The following ZDHHC2 variants were observed in gnomAD, a reference collection of about 807,000 sequenced individuals.
ZDHHC2 encodes palmitoyltransferase ZDHHC2.
A neutral mutation model predicts 55.6 loss-of-function variants in ZDHHC2; 51 were observed. The observed-to-expected ratio is 0.92, with a 90% confidence interval of 0.73 to 1.16. The LOEUF (loss-of-function observed/expected upper bound fraction) is 1.16, where lower values mean the gene tolerates loss of function less well. Among genes scored for constraint, ZDHHC2 ranks in the 50% most tolerant of loss-of-function variants. ZDHHC2 has a pLI of 0.00. For missense variants in ZDHHC2, 491 were observed against 442.4 expected (o/e 1.11, Z -0.99); for synonymous variants, 199 against 152.9 (o/e 1.30, Z -2.22).
intron 5 of ZDHHC2, among the ~76,000 whole-genome samples, chr8:17,198,084 T>G (rs973794448): frequency 5.3e-5 from 8 of 152,224 alleles, no homozygotes; most frequent in Admixed American, 1.3e-4. Flanking sequence ...TGCAGTTTTG[T>G]TCTTTCTTTA....
chr8:17,209,833 T>G lies in ZDHHC2; in HGVS notation c.731-99T>G. On this transcript the variant is annotated intron_variant, in intron 8 of 12. Coordinates refer to ENST00000262096, the MANE Select transcript of ZDHHC2 (RefSeq NM_016353.5). ...CCCTCACAGTCAGCTAGCCATTGATTTTCAGAGTTTCTTCATTTACTTCAA... is the reference window on the plus strand; with the variant it reads ...CCCTCACAGTCAGCTAGCCATTGATGTTCAGAGTTTCTTCATTTACTTCAA... 7.3e-6 allele frequency: 10 copies of G among 1,374,934 alleles called. No individual in the cohort carries two copies. In the South Asian group the frequency reaches 1.6e-4, roughly 22 times the overall value. 85.2% of individuals were successfully genotyped at this position (1,374,934 alleles called of 1,614,324 possible).
At chr8:17,199,313 CA>C (rs1806497662) in intron 6 of ZDHHC2, among the ~76,000 whole-genome samples, 1 of 152,176 alleles carries the variant, frequency 6.6e-6, no homozygotes, top group Non-Finnish European at 1.5e-5. Context: ...TCAACCCATA[CA>C]AGAATGGCAC....
intron 3 of ZDHHC2, among the ~76,000 whole-genome samples, chr8:17,191,849 T>G (rs1190101861): frequency 6.6e-6 from 1 of 152,240 alleles, no homozygotes; most frequent in Non-Finnish European, 1.5e-5. Context: ...GTAGAATTGC[T>G]GGGTCATATG....
At chr8:17,161,557 C>G (rs941787120) in intron 1 of ZDHHC2, among the ~76,000 whole-genome samples, 3 of 152,130 alleles carry the variant, frequency 2.0e-5, no homozygotes, top group African/African-American at 7.2e-5. Flanking sequence ...CCTACGTCAC[C>G]TTAGAAATGA....
chr8:17,165,368 G>C (rs1804553073), intron 1 of ZDHHC2, among the ~76,000 whole-genome samples: 1 of 152,200 alleles, frequency 6.6e-6, no homozygotes, highest in Non-Finnish European at 1.5e-5. Context: ...AAAAGATAAA[G>C]GGCAGGGACC....
At chr8:17,164,036 G>C (rs777535530) in intron 1 of ZDHHC2, among the ~76,000 whole-genome samples, 1 of 152,120 alleles carries the variant, frequency 6.6e-6, no homozygotes, top group East Asian at 1.9e-4. Context: ...ATCAAGGCAG[G>C]GGGTAGGAGG....
intron 1 of ZDHHC2, among the ~76,000 whole-genome samples, chr8:17,179,301 G>A (rs1243767785): frequency 2.6e-5 from 4 of 152,136 alleles, no homozygotes; most frequent in African/African-American, 4.8e-5. Context: ...GGGGGTGAGC[G>A]TAAAGCGCAG....
intron 1 of ZDHHC2, among the ~76,000 whole-genome samples, chr8:17,176,935 C>G (rs1330168596): frequency 1.3e-5 from 2 of 151,760 alleles, no homozygotes; most frequent in African/African-American, 2.4e-5. Flanking sequence ...GAAAAGGGTA[C>G]CATTGCAATT....
At chr8:17,161,552 G>T (rs111996696) in intron 1 of ZDHHC2, among the ~76,000 whole-genome samples, 1 of 152,148 alleles carries the variant, frequency 6.6e-6, no homozygotes, top group Non-Finnish European at 1.5e-5. Context: ...TAACGCCTAC[G>T]TCACCTTAGA....
Position 17,205,753 on chromosome 8 carries a change from A to T in ZDHHC2, c.575A>T (p.Gln192Leu). 1 of 1,607,864 alleles carries T rather than the reference A, an allele frequency of 6.2e-7. No individual in the cohort carries two copies. The highest frequency in any genetic ancestry group is 8.5e-7 in the Non-Finnish European group (1 of 1,178,184). The change falls in exon 7 of 13, where the codon CAG (glutamine) becomes CTG (leucine). Residue 192 changes from glutamine to leucine, a missense_variant. By Grantham distance (113) the Gln-to-Leu change is moderately radical (BLOSUM62 -2). Transcript: ENST00000262096. ...CTTTTTATTGCGGCAACAGATTTAC[A>T]GTATTTTATCAAATTTTGGACAGTA... ...YCLFIAATDL[Q>L]YFIKFWTNGL...
intron 1 of ZDHHC2, among the ~76,000 whole-genome samples, chr8:17,181,896 T>C (rs1033067970): frequency 1.3e-5 from 2 of 152,212 alleles, no homozygotes; most frequent in African/African-American, 4.8e-5. Context: ...CTTGAACAGT[T>C]ACTTTTGAAC....
At chr8:17,199,342 A>G (rs924735492) in intron 6 of ZDHHC2, among the ~76,000 whole-genome samples, 1 of 152,128 alleles carries the variant, frequency 6.6e-6, no homozygotes, top group South Asian at 2.1e-4. Flanking sequence ...AAAGGTCTCA[A>G]TAAATAACGC....
At position 17,207,980 on chromosome 8, in the gene ZDHHC2, A is replaced by G; in HGVS notation, c.618A>G (p.Gln206=). Reference sequence around the variant, plus strand: ...TATAGAATGGCCTACCTGATACTCAAGCCAAGTTCCATATTATGTTTTTAT... The same window carrying G: ...TATAGAATGGCCTACCTGATACTCAGGCCAAGTTCCATATTATGTTTTTAT... The part of the protein sequence containing the change: ...KFWTNGLPDT[Q]AKFHIMFLFF... Residue 206 remains glutamine, a synonymous_variant, in exon 8 of 13, where the codon CAA becomes CAG. Transcript: ENST00000262096. 6.3e-7 allele frequency: 1 copy of G among 1,576,308 alleles called. No homozygotes were observed. Among genetic ancestry groups the G allele is most frequent in the Non-Finnish European group, 8.6e-7 (1 of 1,160,286 alleles).
chr8:17,158,335 C>T lies in ZDHHC2; in HGVS notation c.130+1482C>T, dbSNP rs182730578. 6.1e-4 allele frequency among the ~76,000 whole-genome samples: 93 copies of T among 152,310 alleles called. 2 individuals are homozygous for T. The South Asian group carries it at 0.018, about 30-fold the overall frequency. On this transcript the variant is annotated intron_variant, in intron 1 of 12. Coordinates refer to ENST00000262096, the MANE Select transcript of ZDHHC2 (RefSeq NM_016353.5). Reference sequence around the variant, plus strand: ...CCTTCGTCCTCTTAAAAACAGTGACCAGTATCGATTAATATAACCTGCAAA... The same window carrying T: ...CCTTCGTCCTCTTAAAAACAGTGACTAGTATCGATTAATATAACCTGCAAA...
rs1453938032 is a variant in ZDHHC2, at chr8:17,220,943, A to T, written c.*722A>T. On this transcript the variant is annotated 3_prime_UTR_variant, in exon 13 of 13. Coordinates refer to ENST00000262096, the MANE Select transcript of ZDHHC2 (RefSeq NM_016353.5). ...TACGGTACATTTCTATTACATCAGA[A>T]ATATATTTTCATCTCTTCTTGTTAA... The T allele has an allele frequency of 6.6e-6, 1 of 152,192 alleles. No individual in the cohort carries two copies. The highest frequency in any genetic ancestry group is 1.5e-5 in the Non-Finnish European group (1 of 68,016). The allele number at this position is 152,192 out of a possible 1,614,324, so 9.4% of individuals were successfully genotyped here. A position where few individuals can be genotyped will look rare whatever the true frequency, so the allele number is the denominator to read the frequency against.
At chr8:17,209,836 C>A in intron 8 of ZDHHC2, 96 bp from the exon 9 acceptor site, 1 of 1,385,016 alleles carries the variant, frequency 7.2e-7, no homozygotes, top group Admixed American at 3.0e-5. Flanking sequence ...CATTGATTTT[C>A]AGAGTTTCTT....
At chr8:17,182,611 T>G (rs543256670) in intron 1 of ZDHHC2, among the ~76,000 whole-genome samples, 1 of 152,282 alleles carries the variant, frequency 6.6e-6, no homozygotes, top group African/African-American at 2.4e-5. Flanking sequence ...ATCTGTGGAT[T>G]TTGAATTACA....
intron 1 of ZDHHC2, chr8:17,157,709 G>T (rs1389900800): frequency 6.6e-6 from 1 of 152,196 alleles, no homozygotes; most frequent in Non-Finnish European, 1.5e-5. Flanking sequence ...ACTGATCTGG[G>T]TTATCAGAAA....
intron 1 of ZDHHC2, among the ~76,000 whole-genome samples, chr8:17,171,425 C>T (rs964013360): frequency 6.6e-6 from 1 of 152,148 alleles, no homozygotes. Flanking sequence ...TTAGTGCAGT[C>T]AGTGATTCAG....
Sources: allele counts gnomAD v4.1 joint callset (sites outside exome capture counted in the v4.1 genomes callset), GRCh38; gene constraint gnomAD v4.1.1; transcripts MANE v1.5; gene names NCBI Gene and HGNC (gene_info 2026-07-23, HGNC 2026-07-21).